Variants in CCDC150 observed in about 807,000 individuals in gnomAD.
The protein encoded by CCDC150 is coiled-coil domain containing 150.
Under a neutral mutation model 156.5 loss-of-function variants are expected in CCDC150, and 151 were observed. The observed-to-expected ratio is 0.97, with a 90% CI of 0.85 to 1.10. The LOEUF (loss-of-function observed/expected upper bound fraction) is 1.10. Ranked by LOEUF, CCDC150 falls within the 50% of genes least tolerant of loss-of-function variation. CCDC150 has a pLI of 0.00. For missense variants in CCDC150, 1,312 were observed against 1,268.1 expected (o/e 1.03, Z -0.53); for synonymous variants, 452 against 429.4 (o/e 1.05, Z -0.65).
chr2:196,703,416 T>C (rs1370469222), intron 15 of CCDC150, among the ~76,000 whole-genome samples: 1 of 152,224 alleles, frequency 6.6e-6, no homozygotes, highest in East Asian at 1.9e-4. Flanking sequence ...GTGATGCATT[T>C]AAATATTATC....
At chr2:196,691,209 C>A (rs1366166490) in intron 13 of CCDC150, among the ~76,000 whole-genome samples, 2 of 152,140 alleles carry the variant, frequency 1.3e-5, no homozygotes, top group Non-Finnish European at 2.9e-5. Flanking sequence ...TATCAGGATG[C>A]TGCTGGCCTC....
At chr2:196,672,605 C>T (rs969370220) in intron 9 of CCDC150, among the ~76,000 whole-genome samples, 168 bp downstream of exon 9, 3 of 152,118 alleles carry the variant, frequency 2.0e-5, no homozygotes, top group African/African-American at 7.2e-5. Flanking sequence ...AAATTAACTA[C>T]GTTTCTCATT....
rs758708006 is a variant in CCDC150 at position 196,732,483 on chromosome 2, C to G, written c.3227C>G (p.Ser1076Cys). ...DVKHDVMSNQ[S>C]VLHRWERKQN... ...AAACATGATGTCATGTCCAACCAAT[C>G]TGTTCTGCATCGATGGGAGAGAAAA... The change falls in exon 28 of 28, where the codon TCT (serine) becomes TGT (cysteine). Residue 1076 changes from serine (S) to cysteine (C), a missense_variant. Physicochemically the swap from Ser to Cys is moderately radical, Grantham distance 112. Coordinates refer to ENST00000389175, the MANE Select transcript of CCDC150 (RefSeq NM_001080539.2). 1 of 1,613,702 alleles carries G rather than the reference C, an allele frequency of 6.2e-7. No homozygotes were observed. The highest frequency in any genetic ancestry group is 8.5e-7 in the Non-Finnish European group (1 of 1,179,726).
At chr2:196,687,103 G>A (rs868604430) in intron 13 of CCDC150, among the ~76,000 whole-genome samples, 1 of 152,050 alleles carries the variant, frequency 6.6e-6, no homozygotes, top group Admixed American at 6.6e-5. Flanking sequence ...ATAGAATGAT[G>A]TATATTCCTT....
intron 2 of CCDC150, among the ~76,000 whole-genome samples, chr2:196,652,261 G>A (rs1229181465): frequency 1.3e-5 from 2 of 152,164 alleles, no homozygotes. Context: ...GAAGTCCCAA[G>A]TCTCAATTCC....
intron 17 of CCDC150, chr2:196,718,176 T>C (rs933339630): frequency 1.9e-5 from 3 of 159,442 alleles, no homozygotes; most frequent in African/African-American, 4.8e-5. Context: ...TTTTATAATA[T>C]CAATTTGTGC....
At chr2:196,689,962 T>C (rs1247682902) in intron 13 of CCDC150, among the ~76,000 whole-genome samples, 1 of 152,210 alleles carries the variant, frequency 6.6e-6, no homozygotes, top group Non-Finnish European at 1.5e-5. Context: ...TGAAGGGTTG[T>C]TGAATTTTGT....
intron 13 of CCDC150, among the ~76,000 whole-genome samples, chr2:196,683,991 T>C (rs1415475995): frequency 1.3e-5 from 2 of 152,062 alleles, no homozygotes; most frequent in Admixed American, 1.3e-4. Flanking sequence ...CTCTATCTTA[T>C]TTCTGCGTTA....
chr2:196,678,425 C>G (rs1694633724), intron 13 of CCDC150, among the ~76,000 whole-genome samples: 1 of 152,170 alleles, frequency 6.6e-6, no homozygotes, highest in South Asian at 2.1e-4. Context: ...CAGTTACCAC[C>G]AAGCTAGCAG....
intron 17 of CCDC150, among the ~76,000 whole-genome samples, chr2:196,717,977 T>A (rs1697640156): frequency 1.3e-5 from 2 of 152,112 alleles, no homozygotes; most frequent in South Asian, 4.1e-4. Flanking sequence ...AAGTAAAAAG[T>A]TTAAAAGGGG....
At chr2:196,728,538 A>G (rs1698341589) in intron 22 of CCDC150, among the ~76,000 whole-genome samples, 1 of 152,216 alleles carries the variant, frequency 6.6e-6, no homozygotes, top group African/African-American at 2.4e-5. Flanking sequence ...CTGTAAAATT[A>G]TTTAAGTAAC....
At chr2:196,667,494 T>C (rs2125599605) in intron 7 of CCDC150, 1 of 153,402 alleles carries the variant, frequency 6.5e-6, no homozygotes, top group South Asian at 2.1e-4. Context: ...AGTTTCCAGG[T>C]AGTCTCAATG....
At chr2:196,640,684 C>T (rs1434979918) in intron 1 of CCDC150, among the ~76,000 whole-genome samples, 3 of 151,994 alleles carry the variant, frequency 2.0e-5, no homozygotes, top group Non-Finnish European at 2.9e-5. Flanking sequence ...TTCTTCCTTT[C>T]CCTCATATCT....
Position 196,677,204 on chromosome 2 carries a change from T to C in CCDC150, c.1441-89T>C, listed in dbSNP as rs1470397955. ...GCTATCTCTGCAGTGTAGGTATTAA[T>C]TGACATGCAGGATATGTGTGCTATA... is the stretch of plus-strand genomic sequence containing the variant. On this transcript the variant is annotated intron_variant, in intron 12 of 27. Coordinates refer to ENST00000389175, the MANE Select transcript of CCDC150 (RefSeq NM_001080539.2). 9 of 837,154 alleles carry C rather than the reference T, an allele frequency of 1.1e-5. No homozygotes were observed. In the South Asian group the frequency reaches 1.1e-4, roughly 11 times the overall value. The allele number at this position is 837,154 out of a possible 1,614,324, so 51.9% of individuals were successfully genotyped here.
rs1365343161 is a variant in CCDC150, at chr2:196,721,559, A to G, written c.2297A>G (p.Glu766Gly). 3 of 1,608,122 alleles carry G rather than the reference A, an allele frequency of 1.9e-6. No homozygotes were observed. Among genetic ancestry groups the G allele is most frequent in the Admixed American group, 3.4e-5 (2 of 59,178 alleles). The change falls in exon 21 of 28, where the codon GAA becomes GGA. Residue 766 changes from glutamate to glycine, a missense_variant. Coordinates refer to ENST00000389175, the MANE Select transcript of CCDC150 (RefSeq NM_001080539.2). The stretch of plus-strand genomic sequence containing the variant: ...CAAAAAGCTCTAGGTGTAGCTAGAG[A>G]AGACAACAGGAAACTTGCTATGAGT... ...SLQKALGVAR[E>G]DNRKLAMSLE...
chr2:196,648,153 C>A (rs1692652041), intron 2 of CCDC150, among the ~76,000 whole-genome samples: 1 of 151,972 alleles, frequency 6.6e-6, no homozygotes, highest in Admixed American at 6.6e-5. Flanking sequence ...GGATATGTAC[C>A]CAGAAGTGGG....
chr2:196,676,687 G>A lies in CCDC150; in HGVS notation c.1396G>A (p.Glu466Lys). The A allele has an allele frequency of 6.2e-7, 1 of 1,613,836 alleles. No homozygotes were observed. The change falls in exon 12 of 28, where the codon GAG becomes AAG. Residue 466 changes from glutamate to lysine, a missense_variant. Physicochemically the swap from Glu to Lys is moderately conservative, Grantham distance 56. Coordinates refer to ENST00000389175, the MANE Select transcript of CCDC150 (RefSeq NM_001080539.2). ...AGGTGAATTGGAAGCATCAATGCAA[G>A]AGAAGAAGTCTCTGCTAGAGGAGAA... ...LRGELEASMQEKKSLLEEKER... is the reference protein window; with the variant it reads ...LRGELEASMQKKKSLLEEKER...
chr2:196,652,103 G>A (rs1488782301), intron 2 of CCDC150, among the ~76,000 whole-genome samples: 1 of 152,148 alleles, frequency 6.6e-6, no homozygotes, highest in Non-Finnish European at 1.5e-5. Flanking sequence ...CAACAATGGA[G>A]ATCACATTTC....
chr2:196,721,361 T>TATATATGTGTATATATATACATATATAC, intron 20 of CCDC150, among the ~76,000 whole-genome samples, 161 bp from the exon 21 acceptor site: 1 of 49,814 alleles, frequency 2.0e-5, no homozygotes, highest in Non-Finnish European at 4.7e-5. Context: ...TGCATATATA[T>TATATATGTGTATATATATACATATATAC]ATATATATTT....
Sources: allele counts gnomAD v4.1 joint callset (sites outside exome capture counted in the v4.1 genomes callset), GRCh38; gene constraint gnomAD v4.1.1; transcripts MANE v1.5; gene names NCBI Gene and HGNC (gene_info 2026-07-23, HGNC 2026-07-21).